Variants in UNC13C observed in about 807,000 individuals in gnomAD.
UNC13C encodes protein unc-13 homolog C.
A neutral mutation model predicts 245.4 loss-of-function variants in UNC13C; 174 were observed. The ratio of observed to expected loss-of-function variants is 0.71; its 90% CI spans 0.63 to 0.80. UNC13C has a LOEUF of 0.80. Ranked by LOEUF, UNC13C falls within the 30% of genes least tolerant of loss-of-function variation. The pLI is 0.00. For synonymous variants in UNC13C, 992 were observed against 895.1 expected (o/e 1.11, Z -1.93); for missense variants, 2,829 against 2,602.9 (o/e 1.09, Z -1.89).
intron 15 of UNC13C, among the ~76,000 whole-genome samples, chr15:54,332,315 G>GTA (rs745727011): frequency 4.0e-5 from 6 of 150,926 alleles, no homozygotes; most frequent in Non-Finnish European, 7.4e-5. Flanking sequence ...CTGTGTGTGT[G>GTA]TGTGTGTGTG....
chr15:54,064,955 A>G lies in UNC13C; in HGVS notation c.2983+49069A>G, dbSNP rs2141085867. 2.0e-5 allele frequency among the ~76,000 whole-genome samples: 3 copies of G among 152,368 alleles called. 1 individual carries two copies. The South Asian group carries it at 6.2e-4, about 32-fold the overall frequency. On this transcript the variant is annotated intron_variant, in intron 2 of 32. Transcript: ENST00000260323. ...AATATGTAAATAAATTCACTCTGCA[A>G]GGAATTCTAGCTGATGAATATTACT... is the stretch of plus-strand genomic sequence containing the variant.
the UNC13C span, among the ~76,000 whole-genome samples, chr15:53,965,093 C>T: frequency 3.9e-5 from 6 of 152,176 alleles, no homozygotes; most frequent in African/African-American, 1.2e-4. Context: ...TACACTCACA[C>T]AGGCAACACA....
At chr15:54,140,673 T>A (rs1329040602) in intron 2 of UNC13C, among the ~76,000 whole-genome samples, 1 of 152,152 alleles carries the variant, frequency 6.6e-6, no homozygotes, top group Non-Finnish European at 1.5e-5. Context: ...CAAAGGCACA[T>A]AGATTTCAAA....
intron 13 of UNC13C, among the ~76,000 whole-genome samples, chr15:54,306,281 C>T (rs532445631): frequency 1.3e-5 from 2 of 151,944 alleles, no homozygotes; most frequent in Non-Finnish European, 2.9e-5. Flanking sequence ...AGAGGGATTA[C>T]AATTTTCCTG....
rs1895550582 is a variant in UNC13C at position 54,014,592 on chromosome 15, T to C, written c.1689T>C (p.Asp563=). The C allele has an allele frequency of 6.2e-7, 1 of 1,613,740 alleles. No individual in the cohort carries two copies. The highest frequency in any genetic ancestry group is 8.5e-7 in the Non-Finnish European group (1 of 1,179,806). ...AATTGTGTCAGTCTTACTCAGAAGA[T>C]TTTTCAGAAAATCAGTTTTTCACTA... The part of the protein sequence containing the change: ...FSKLCQSYSE[D]FSENQFFTRT... The change falls in exon 2 of 33, where the codon GAT becomes GAC. Residue 563 remains aspartate, a synonymous_variant. Coordinates refer to ENST00000260323, the MANE Select transcript of UNC13C (RefSeq NM_001080534.3).
chr15:54,316,361 C>T (rs894633131), intron 13 of UNC13C, among the ~76,000 whole-genome samples: 4 of 151,692 alleles, frequency 2.6e-5, no homozygotes, highest in African/African-American at 7.3e-5. Flanking sequence ...TTTTCCATTC[C>T]TCTGGAATAC....
chr15:54,123,334 A>C (rs1422767903), intron 2 of UNC13C, among the ~76,000 whole-genome samples: 1 of 151,674 alleles, frequency 6.6e-6, no homozygotes, highest in African/African-American at 2.4e-5. Context: ...AGATGTAATG[A>C]ATATCTATGT....
the UNC13C span, among the ~76,000 whole-genome samples, chr15:53,845,262 T>C: frequency 6.7e-6 from 1 of 150,298 alleles, no homozygotes; most frequent in Non-Finnish European, 1.5e-5. Flanking sequence ...GAGGCTGAGG[T>C]TGCAGTGAGC....
chr15:54,323,453 T>G (rs1249004059), intron 14 of UNC13C, among the ~76,000 whole-genome samples: 1 of 152,056 alleles, frequency 6.6e-6, no homozygotes, highest in Non-Finnish European at 1.5e-5. Context: ...TTCCTCAACA[T>G]GCTCAATGAA....
At chr15:54,003,955 G>A (rs1249162678) in intron 1 of UNC13C, among the ~76,000 whole-genome samples, 1 of 152,148 alleles carries the variant, frequency 6.6e-6, no homozygotes, top group Non-Finnish European at 1.5e-5. Context: ...AGCTTGCAGT[G>A]AGCCGAGATC....
At chr15:54,028,375 A>T (rs17633721) in intron 2 of UNC13C, among the ~76,000 whole-genome samples, 9,229 of 152,240 alleles carry the variant, frequency 0.061, 326 homozygotes, top group Non-Finnish European at 0.069. Flanking sequence ...TGTAGCCTCA[A>T]AACTAGTCTC....
chr15:53,946,441 T>TC, the UNC13C span, among the ~76,000 whole-genome samples: 2 of 96,074 alleles, frequency 2.1e-5, no homozygotes, highest in Admixed American at 1.3e-4. Flanking sequence ...ACTGAGGTGT[T>TC]CTTTTTTTTG....
chr15:54,559,906 C>T (rs1897234414), intron 29 of UNC13C, among the ~76,000 whole-genome samples: 1 of 151,888 alleles, frequency 6.6e-6, no homozygotes, highest in Admixed American at 6.6e-5. Flanking sequence ...CATGCTGCGG[C>T]TTAAACACCA....
At chr15:54,250,536 C>A in intron 8 of UNC13C, 92 bp downstream of exon 8, 1 of 1,228,632 alleles carries the variant, frequency 8.1e-7, no homozygotes, top group Non-Finnish European at 1.1e-6. Flanking sequence ...TGCTGGTTGT[C>A]AAGAAATCCT....
chr15:53,844,337 CA>C, the UNC13C span, among the ~76,000 whole-genome samples: 1,021 of 152,208 alleles, frequency 6.7e-3, 6 homozygotes, highest in Non-Finnish European at 9.6e-3. Flanking sequence ...TTAAAGGCAG[CA>C]AAGCAGATTT....
At chr15:53,851,205 T>C in the UNC13C span, among the ~76,000 whole-genome samples, 2 of 152,128 alleles carry the variant, frequency 1.3e-5, no homozygotes, top group African/African-American at 4.8e-5. Context: ...ATTGGTGACA[T>C]TTTTCCCACC....
At chr15:54,158,899 C>A (rs991847022) in intron 4 of UNC13C, among the ~76,000 whole-genome samples, 1 of 152,148 alleles carries the variant, frequency 6.6e-6, no homozygotes, top group African/African-American at 2.4e-5. Context: ...GTAATCCTCC[C>A]GCCTGGCCCC....
intron 2 of UNC13C, among the ~76,000 whole-genome samples, chr15:54,125,188 G>T (rs1420636702): frequency 6.6e-6 from 1 of 152,174 alleles, no homozygotes; most frequent in African/African-American, 2.4e-5. Context: ...CTAGGGCCGG[G>T]CACAGTGGCT....
At chr15:54,297,304 C>T (rs1215142627) in intron 11 of UNC13C, among the ~76,000 whole-genome samples, 4 of 151,816 alleles carry the variant, frequency 2.6e-5, no homozygotes, top group African/African-American at 9.7e-5. Flanking sequence ...ATTACAATAC[C>T]ACAATAGGCA....
Sources: gnomAD v4.1 joint callset for allele counts (sites outside exome capture counted in the v4.1 genomes callset) on GRCh38, gnomAD v4.1.1 for gene constraint, MANE v1.5 for transcripts, NCBI Gene and HGNC (gene_info 2026-07-23, HGNC 2026-07-21) for gene names.